Variants in RBFOX1 observed in about 807,000 individuals in gnomAD.
The protein encoded by RBFOX1 is RNA binding protein fox-1 homolog 1.
RBFOX1 carries 8 observed loss-of-function variants against 57.7 expected under a neutral mutation model. The observed-to-expected ratio is 0.14, with a 90% confidence interval of 0.08 to 0.25. RBFOX1 has a LOEUF of 0.25. Among genes scored for constraint, RBFOX1 ranks in the 10% least tolerant of loss-of-function variants. RBFOX1 has a pLI of 1.00. For missense variants in RBFOX1, 611 were observed against 548.5 expected (o/e 1.11, Z -1.14); for synonymous variants, 326 against 222.4 (o/e 1.47, Z -4.15).
At chr16:7,059,993 T>C (rs187560641) in intron 4 of RBFOX1, among the ~76,000 whole-genome samples, 2 of 152,298 alleles carry the variant, frequency 1.3e-5, no homozygotes, top group Admixed American at 6.5e-5. Flanking sequence ...TGTAAAATAT[T>C]AGTGGAAAAA....
At chr16:5,553,543 C>A (rs2045549959) in intron 2 of RBFOX1, among the ~76,000 whole-genome samples, 1 of 152,026 alleles carries the variant, frequency 6.6e-6, no homozygotes, top group African/African-American at 2.4e-5. Context: ...TCTCAATCTC[C>A]TGACTTCGTG....
chr16:6,263,663 C>G (rs1023462040), intron 1 of RBFOX1, among the ~76,000 whole-genome samples: 1 of 152,168 alleles, frequency 6.6e-6, no homozygotes, highest in Non-Finnish European at 1.5e-5. Context: ...CTGCTCCTTT[C>G]CTAGTTGGCA....
At chr16:5,959,987 G>C (rs1426699772) in intron 4 of RBFOX1, among the ~76,000 whole-genome samples, 1 of 152,156 alleles carries the variant, frequency 6.6e-6, no homozygotes, top group Non-Finnish European at 1.5e-5. Context: ...GATCACCTGA[G>C]GTCCGGAGTT....
chr16:6,227,692 G>T (rs2097428348), intron 1 of RBFOX1, among the ~76,000 whole-genome samples: 1 of 152,196 alleles, frequency 6.6e-6, no homozygotes, highest in South Asian at 2.1e-4. Flanking sequence ...AGGAATATTG[G>T]AGCATAATGA....
intron 3 of RBFOX1, among the ~76,000 whole-genome samples, chr16:6,817,709 A>G (rs1172111820): frequency 6.6e-6 from 1 of 152,048 alleles, no homozygotes; most frequent in Non-Finnish European, 1.5e-5. Flanking sequence ...TCTCAAAGAA[A>G]AAAAAAACAA....
At chr16:7,056,698 G>C (rs2052401113) in intron 4 of RBFOX1, among the ~76,000 whole-genome samples, 1 of 152,212 alleles carries the variant, frequency 6.6e-6, no homozygotes, top group Admixed American at 6.5e-5. Flanking sequence ...TAAAATATTT[G>C]ATTACAAAGG....
chr16:6,370,134 G>T (rs1035691240), intron 2 of RBFOX1, among the ~76,000 whole-genome samples: 1 of 152,084 alleles, frequency 6.6e-6, no homozygotes, highest in South Asian at 2.1e-4. Context: ...CGAGGCAGGC[G>T]GATCATGAGA....
chr16:5,752,508 T>A (rs941810148), intron 3 of RBFOX1, among the ~76,000 whole-genome samples: 1 of 152,244 alleles, frequency 6.6e-6, no homozygotes, highest in African/African-American at 2.4e-5. Flanking sequence ...GCCACCCACC[T>A]AGCTGTTTCA....
intron 4 of RBFOX1, among the ~76,000 whole-genome samples, chr16:7,453,633 T>C (rs2057859119): frequency 6.6e-6 from 1 of 151,992 alleles, no homozygotes; most frequent in Admixed American, 6.5e-5. Context: ...TGTTAAAGCG[T>C]GTATAGAGGA....
chr16:6,974,950 T>G (rs2086482108), intron 3 of RBFOX1, among the ~76,000 whole-genome samples: 1 of 152,170 alleles, frequency 6.6e-6, no homozygotes, highest in Non-Finnish European at 1.5e-5. Context: ...TTTAAAAGGA[T>G]TGTTCTAAAA....
chr16:6,420,313 A>G (rs1027797338), intron 2 of RBFOX1, among the ~76,000 whole-genome samples: 3 of 151,756 alleles, frequency 2.0e-5, no homozygotes, highest in Non-Finnish European at 4.4e-5. Context: ...AGTAGTAGCA[A>G]TTGCCTCCAG....
intron 2 of RBFOX1, among the ~76,000 whole-genome samples, chr16:6,585,946 A>G (rs1407965150): frequency 6.6e-6 from 1 of 152,226 alleles, no homozygotes; most frequent in Admixed American, 6.5e-5. Flanking sequence ...AAGTGTGTCC[A>G]GATACCTTTA....
At chr16:6,118,171 A>G (rs1350152644) in intron 1 of RBFOX1, among the ~76,000 whole-genome samples, 2 of 152,190 alleles carry the variant, frequency 1.3e-5, no homozygotes, top group Non-Finnish European at 1.5e-5. Context: ...CATGCTGTTA[A>G]CTGAAATATA....
At chr16:7,168,886 T>C (rs141045111) in intron 4 of RBFOX1, among the ~76,000 whole-genome samples, 134 of 152,336 alleles carry the variant, frequency 8.8e-4, no homozygotes, top group African/African-American at 3.1e-3. Context: ...TGTGCCTCTA[T>C]TTTTGTCTTA....
At chr16:6,619,897 C>T (rs2098202101) in intron 2 of RBFOX1, among the ~76,000 whole-genome samples, 1 of 152,014 alleles carries the variant, frequency 6.6e-6, no homozygotes, top group Non-Finnish European at 1.5e-5. Flanking sequence ...TTGTGTTGTT[C>T]CCCTCTGTGT....
At chr16:7,033,082 A>G (rs540562938) in intron 3 of RBFOX1, among the ~76,000 whole-genome samples, 3 of 152,148 alleles carry the variant, frequency 2.0e-5, no homozygotes, top group Non-Finnish European at 2.9e-5. Flanking sequence ...AGGAATGCCA[A>G]CTCTCTCCTC....
At chr16:6,351,965 C>T (rs1408352581) in intron 2 of RBFOX1, among the ~76,000 whole-genome samples, 1 of 152,134 alleles carries the variant, frequency 6.6e-6, no homozygotes, top group South Asian at 2.1e-4. Flanking sequence ...AGAATTTATA[C>T]ACTGCAGAAC....
At chr16:6,138,234 T>G (rs1274103439) in intron 1 of RBFOX1, among the ~76,000 whole-genome samples, 5 of 152,258 alleles carry the variant, frequency 3.3e-5, no homozygotes, top group African/African-American at 1.2e-4. Flanking sequence ...GCACTTGGTT[T>G]GATGTTCTGC....
chr16:6,133,529 C>T (rs573111098), intron 1 of RBFOX1, among the ~76,000 whole-genome samples: 17 of 152,316 alleles, frequency 1.1e-4, no homozygotes, highest in South Asian at 1.0e-3. Context: ...CCTGCGATCA[C>T]GCTATGTTTA....
Sources: allele counts gnomAD v4.1 joint callset (sites outside exome capture counted in the v4.1 genomes callset), GRCh38; gene constraint gnomAD v4.1.1; transcripts MANE v1.5; gene names NCBI Gene and HGNC (gene_info 2026-07-23, HGNC 2026-07-21).